Variants in GLRA1 observed in about 807,000 individuals in gnomAD.
GLRA1 encodes the protein glycine receptor subunit alpha-1.
GLRA1 carries 37 observed loss-of-function variants against 48.3 expected under a neutral mutation model. The ratio of observed to expected loss-of-function variants is 0.77; its 90% CI spans 0.59 to 1.01. GLRA1 has a LOEUF of 1.01. Among genes scored for constraint, GLRA1 ranks in the 50% least tolerant of loss-of-function variants. The pLI is 0.00. For synonymous variants in GLRA1, 196 were observed against 210.7 expected (o/e 0.93, Z 0.60); for missense variants, 427 against 571.0 (o/e 0.75, Z 2.57).
rs183356814 is a variant in GLRA1, at chr5:151,824,179, G to A, written c.1060-1216C>T. ...TTGTTTGTTTTGTTTTATCTTGTTTGTAGAGATGGGGGTCTCGCTATGTTG... is the reference window on the plus strand; with the variant it reads ...TTGTTTGTTTTGTTTTATCTTGTTTATAGAGATGGGGGTCTCGCTATGTTG... On this transcript the variant is annotated intron_variant, in intron 8 of 8. Transcript: ENST00000274576. 1.6e-3 allele frequency among the ~76,000 whole-genome samples: 239 copies of A among 151,594 alleles called. 2 individuals are homozygous for A. Among genetic ancestry groups the A allele is most frequent in the African/African-American group, 5.5e-3 (229 of 41,288 alleles).
At chr5:151,855,702 A>G (rs1753024186) in intron 5 of GLRA1, among the ~76,000 whole-genome samples, 1 of 152,168 alleles carries the variant, frequency 6.6e-6, no homozygotes, top group African/African-American at 2.4e-5. Flanking sequence ...CTCCAAGGAA[A>G]TGGTCCATTA....
At chr5:151,900,001 A>G (rs1325281298) in intron 1 of GLRA1, among the ~76,000 whole-genome samples, 2 of 152,044 alleles carry the variant, frequency 1.3e-5, no homozygotes, top group African/African-American at 4.8e-5. Flanking sequence ...TTAAAATCTC[A>G]TCTGGTTCTG....
chr5:151,911,321 A>T (rs191315361), intron 1 of GLRA1, among the ~76,000 whole-genome samples: 1 of 152,274 alleles, frequency 6.6e-6, no homozygotes, highest in East Asian at 1.9e-4. Flanking sequence ...GCTCTTTTGT[A>T]TGCTCCCACA....
chr5:151,869,508 G>A (rs1753420971), intron 3 of GLRA1, among the ~76,000 whole-genome samples: 1 of 148,198 alleles, frequency 6.7e-6, no homozygotes, highest in Admixed American at 6.8e-5. Flanking sequence ...GAGGTCAGGA[G>A]TTTGAGACCA....
intron 3 of GLRA1, among the ~76,000 whole-genome samples, chr5:151,868,120 A>G (rs57863201): frequency 0.02 from 3,053 of 152,310 alleles, 98 homozygotes; most frequent in African/African-American, 0.064. Context: ...TCATCATCAA[A>G]TATTACAGCT....
At chr5:151,884,456 C>CAAAACAAAACAAAACAAAAAAAA (rs1561571172) in intron 3 of GLRA1, among the ~76,000 whole-genome samples, 810 of 45,316 alleles carry the variant, frequency 0.018, 10 homozygotes, top group African/African-American at 0.057. Context: ...AACAAAAAAA[C>CAAAACAAAACAAAACAAAAAAAA]CCATTTTTTC....
chr5:151,863,327 TAGG>T (rs1394134615), intron 3 of GLRA1, among the ~76,000 whole-genome samples: 1 of 151,922 alleles, frequency 6.6e-6, no homozygotes, highest in Non-Finnish European at 1.5e-5. Context: ...GAGGCTGAGG[TAGG>T]AGGATCACCT....
At chr5:151,916,363 G>A (rs1254344822) in intron 1 of GLRA1, among the ~76,000 whole-genome samples, 1 of 152,208 alleles carries the variant, frequency 6.6e-6, no homozygotes, top group African/African-American at 2.4e-5. Context: ...GGCAGCCAGG[G>A]TTGCAGCAGC....
At chr5:151,849,946 T>C (rs1752856497) in intron 7 of GLRA1, 1 of 1,574,694 alleles carries the variant, frequency 6.4e-7, no homozygotes. Flanking sequence ...ATACCTTCAG[T>C]AAGGACCCTA....
At chr5:151,922,809 AAG>A (rs1173843962) in intron 1 of GLRA1, among the ~76,000 whole-genome samples, 1 of 152,238 alleles carries the variant, frequency 6.6e-6, no homozygotes, top group African/African-American at 2.4e-5. Flanking sequence ...TCAAGAAAAA[AAG>A]AGAGAGTGTG....
At chr5:151,840,749 A>G (rs1435595767) in intron 7 of GLRA1, among the ~76,000 whole-genome samples, 1 of 151,388 alleles carries the variant, frequency 6.6e-6, no homozygotes, top group African/African-American at 2.4e-5. Flanking sequence ...AAAACCCACA[A>G]ACAAACCAGT....
intron 1 of GLRA1, among the ~76,000 whole-genome samples, chr5:151,896,071 A>G (rs976822171): frequency 5.9e-5 from 9 of 152,224 alleles, no homozygotes; most frequent in Non-Finnish European, 1.3e-4. Context: ...ATTGGGCAGT[A>G]CAGTGGGAGA....
chr5:151,922,936 C>T (rs1313321730), intron 1 of GLRA1, among the ~76,000 whole-genome samples: 1 of 152,222 alleles, frequency 6.6e-6, no homozygotes, highest in Non-Finnish European at 1.5e-5. Context: ...TTACAAAGTA[C>T]CCAACCTCCA....
At chr5:151,921,974 T>C (rs921419389) in intron 1 of GLRA1, among the ~76,000 whole-genome samples, 1 of 152,192 alleles carries the variant, frequency 6.6e-6, no homozygotes, top group African/African-American at 2.4e-5. Context: ...GTTGGTACCA[T>C]ATGGGATTTC....
intron 2 of GLRA1, among the ~76,000 whole-genome samples, chr5:151,891,436 T>C (rs1332256443): frequency 6.6e-6 from 1 of 152,204 alleles, no homozygotes; most frequent in East Asian, 1.9e-4. Context: ...TATTTGAATT[T>C]ACATGTTTTA....
intron 7 of GLRA1, among the ~76,000 whole-genome samples, chr5:151,833,589 G>A (rs1391847512): frequency 2.0e-5 from 3 of 151,896 alleles, no homozygotes; most frequent in Non-Finnish European, 2.9e-5. Flanking sequence ...TCAGCCTCCC[G>A]AGTAGCTGGG....
At chr5:151,847,078 G>A (rs921706623) in intron 7 of GLRA1, among the ~76,000 whole-genome samples, 14 of 152,198 alleles carry the variant, frequency 9.2e-5, no homozygotes, top group African/African-American at 3.4e-4. Flanking sequence ...TGGGTAAAGG[G>A]TGTGAGGGTG....
intron 3 of GLRA1, among the ~76,000 whole-genome samples, chr5:151,868,249 G>T (rs1753386975): frequency 6.6e-6 from 1 of 152,200 alleles, no homozygotes; most frequent in Non-Finnish European, 1.5e-5. Flanking sequence ...AATCCTGTTG[G>T]ACAGTTGTGA....
intron 6 of GLRA1, among the ~76,000 whole-genome samples, chr5:151,853,175 C>T (rs1752952500): frequency 6.6e-6 from 1 of 152,164 alleles, no homozygotes; most frequent in African/African-American, 2.4e-5. Flanking sequence ...TAATGTACAG[C>T]AATGTGACTA....
Sources: allele counts gnomAD v4.1 joint callset (sites outside exome capture counted in the v4.1 genomes callset), GRCh38; gene constraint gnomAD v4.1.1; transcripts MANE v1.5; gene names NCBI Gene and HGNC (gene_info 2026-07-23, HGNC 2026-07-21).